Variants in EPHA5 observed in about 807,000 individuals in gnomAD.
The protein encoded by EPHA5 is EPH receptor A5.
In EPHA5, 60 loss-of-function variants were observed where a neutral mutation model predicts 105.0. The ratio of observed to expected loss-of-function variants is 0.57; its 90% confidence interval spans 0.46 to 0.71. EPHA5 has a LOEUF of 0.71. Ranked by LOEUF, EPHA5 falls within the 30% of genes least tolerant of loss-of-function variation. The probability of loss-of-function intolerance (pLI) is 0.00; values close to 1 mark genes in which losing one functional copy is unlikely to be tolerated. For synonymous variants in EPHA5, 513 were observed against 449.1 expected, an observed-to-expected ratio of 1.14 and a Z score of -1.80; for missense variants, 1,218 against 1,274.7, an observed-to-expected ratio of 0.96 and a Z score of 0.68.
chr4:65,554,741 A>G (rs1048497423), intron 3 of EPHA5, among the ~76,000 whole-genome samples: 1 of 151,844 alleles, frequency 6.6e-6, no homozygotes, highest in African/African-American at 2.4e-5. Flanking sequence ...TTATCTAAGT[A>G]CTATGATATG....
chr4:65,650,499 G>T (rs554675662), intron 1 of EPHA5, among the ~76,000 whole-genome samples: 1 of 148,140 alleles, frequency 6.8e-6, no homozygotes, highest in African/African-American at 2.5e-5. Context: ...GGCGGAGCTT[G>T]CAGTGAGCCG....
rs1483425055 is a variant in EPHA5, at chr4:65,492,983, G to GT, written c.1067-2272dup. Reference sequence around the variant, plus strand: ...TAGAACAATGTCAAACTTCTGTTTTGTTTTGTTTTGTTTTTTAATTTCTGC... The same window carrying GT: ...TAGAACAATGTCAAACTTCTGTTTTGTTTTTGTTTTGTTTTTTAATTTCTGC... On this transcript the variant is annotated intron_variant, in intron 4 of 16. Transcript: ENST00000613740. Among the ~76,000 whole-genome samples, 3 of 64,312 alleles carry GT rather than the reference G, an allele frequency of 4.7e-5. 1 individual carries two copies. The highest frequency in any genetic ancestry group is 1.9e-4 in the African/African-American group (3 of 16,156). The allele number at this position is 64,312 out of a possible 152,430, so 42.2% of individuals were successfully genotyped here. A position where few individuals can be genotyped will look rare whatever the true frequency, so the allele number is the denominator to read the frequency against.
chr4:65,529,996 C>A (rs546762741), intron 3 of EPHA5, among the ~76,000 whole-genome samples: 2 of 152,122 alleles, frequency 1.3e-5, no homozygotes, highest in African/African-American at 2.4e-5. Flanking sequence ...TATCTATCAA[C>A]AATTTTAAAA....
At chr4:65,332,684 C>T (rs532268619) in intron 15 of EPHA5, among the ~76,000 whole-genome samples, 19 of 151,770 alleles carry the variant, frequency 1.3e-4, no homozygotes, top group Admixed American at 7.3e-4. Context: ...GCACCTTCCA[C>T]TCAATTTTGC....
chr4:65,363,286 A>G (rs1717515811), intron 11 of EPHA5, among the ~76,000 whole-genome samples: 1 of 151,608 alleles, frequency 6.6e-6, no homozygotes, highest in African/African-American at 2.4e-5. Context: ...AATTAGTGTC[A>G]TCTTCACAAT....
chr4:65,595,582 T>A (rs950712309), intron 3 of EPHA5, among the ~76,000 whole-genome samples: 12 of 85,868 alleles, frequency 1.4e-4, no homozygotes, highest in African/African-American at 4.1e-4. Flanking sequence ...TCTCACAAGA[T>A]TTTTTTTTTT....
intron 3 of EPHA5, among the ~76,000 whole-genome samples, chr4:65,560,271 A>G (rs1738875731): frequency 6.6e-6 from 1 of 152,160 alleles, no homozygotes; most frequent in African/African-American, 2.4e-5. Context: ...TTGACACACT[A>G]ATCCAGATAC....
At chr4:65,574,651 TAC>T (rs1427706111) in intron 3 of EPHA5, among the ~76,000 whole-genome samples, 44 of 112,104 alleles carry the variant, frequency 3.9e-4, no homozygotes, top group African/African-American at 1.3e-3. Flanking sequence ...CACATATATA[TAC>T]ACATATATAT....
At chr4:65,584,377 T>C (rs2149403093) in intron 3 of EPHA5, among the ~76,000 whole-genome samples, 2 of 151,988 alleles carry the variant, frequency 1.3e-5, no homozygotes, top group African/African-American at 4.8e-5. Flanking sequence ...ATTTTTAAAA[T>C]ACAAAATAAT....
intron 6 of EPHA5, 27 bp downstream of exon 6, chr4:65,420,414 G>T: frequency 2.0e-6 from 3 of 1,528,308 alleles, no homozygotes; most frequent in African/African-American, 1.4e-5. Context: ...AAGAAAGTGA[G>T]GACATTTTTT....
In EPHA5 at chr4:65,490,367, T is replaced by C. The variant is rs373243463; in HGVS notation, c.1402+10A>G. On this transcript the variant is annotated intron_variant, in intron 5 of 16. Transcript: ENST00000613740. ...CTCACATACACAATTGGGTTGGGCATGGCACTTACCTGCTTGATTTGTGGT... is the reference window on the plus strand; with the variant it reads ...CTCACATACACAATTGGGTTGGGCACGGCACTTACCTGCTTGATTTGTGGT... 128 of 1,610,592 alleles carry C rather than the reference T, an allele frequency of 7.9e-5. No homozygotes were observed. The highest frequency in any genetic ancestry group is 1.0e-4 in the Non-Finnish European group (120 of 1,177,302).
chr4:65,571,659 A>G (rs897810195), intron 3 of EPHA5, among the ~76,000 whole-genome samples: 12 of 152,070 alleles, frequency 7.9e-5, no homozygotes, highest in Non-Finnish European at 8.8e-5. Flanking sequence ...TTATGTTTTA[A>G]CTTAAGTTGA....
intron 1 of EPHA5, among the ~76,000 whole-genome samples, chr4:65,646,118 C>G (rs758767726): frequency 1.3e-5 from 2 of 152,198 alleles, no homozygotes; most frequent in East Asian, 1.9e-4. Context: ...GCTAACGTTT[C>G]CTTTGTCCTT....
intron 5 of EPHA5, among the ~76,000 whole-genome samples, chr4:65,448,749 G>A (rs541385269): frequency 6.6e-6 from 1 of 152,244 alleles, no homozygotes; most frequent in South Asian, 2.1e-4. Flanking sequence ...AAAGAGCCAT[G>A]TATATGTGAG....
At chr4:65,661,556 A>C (rs139986692) in intron 1 of EPHA5, among the ~76,000 whole-genome samples, 61 of 152,244 alleles carry the variant, frequency 4.0e-4, no homozygotes, top group African/African-American at 1.4e-3. Flanking sequence ...CACTGACTAG[A>C]GAAAAACTCT....
chr4:65,587,002 G>T (rs1742185032), intron 3 of EPHA5, among the ~76,000 whole-genome samples: 1 of 152,016 alleles, frequency 6.6e-6, no homozygotes, highest in South Asian at 2.1e-4. Context: ...GTACTATTTT[G>T]CTTATAAAGA....
At chr4:65,596,481 C>A (rs1743196996) in intron 3 of EPHA5, among the ~76,000 whole-genome samples, 1 of 151,166 alleles carries the variant, frequency 6.6e-6, no homozygotes, top group Admixed American at 6.6e-5. Context: ...ACAAACAAAC[C>A]AAAAAAACAA....
rs1186351866 is a variant in EPHA5 at position 65,584,558 on chromosome 4, A to C, written c.910+17083T>G. 2.6e-5 allele frequency among the ~76,000 whole-genome samples: 4 copies of C among 152,068 alleles called. No individual in the cohort carries two copies. The East Asian group carries it at 7.7e-4, about 29-fold the overall frequency. On this transcript the variant is annotated intron_variant, in intron 3 of 16. Coordinates refer to ENST00000613740, the MANE Select transcript of EPHA5 (RefSeq NM_001281766.3). ...TTTATGACATATTTAAAAATAGTAC[A>C]GCAAACAAGAGGAACCAGTATGAAC... is the stretch of plus-strand genomic sequence containing the variant.
intron 3 of EPHA5, among the ~76,000 whole-genome samples, chr4:65,574,665 TAC>T (rs1286182590): frequency 6.6e-3 from 273 of 41,172 alleles, no homozygotes; most frequent in East Asian, 0.021. Context: ...CATATATATA[TAC>T]ACATATATAT....
Sources: gnomAD v4.1 joint callset for allele counts (sites outside exome capture counted in the v4.1 genomes callset) on GRCh38, gnomAD v4.1.1 for gene constraint, MANE v1.5 for transcripts, NCBI Gene and HGNC (gene_info 2026-07-23, HGNC 2026-07-21) for gene names.